GPC6: variants seen among roughly 807,000 people sequenced by gnomAD.
GPC6 encodes the protein glypican 6, also known as glypican-6.
A neutral mutation model predicts 55.2 loss-of-function variants in GPC6; 14 were observed. That is an observed-to-expected ratio of 0.25 (90% CI 0.17 to 0.40). GPC6 has a LOEUF of 0.40. Ranked by LOEUF, GPC6 falls within the 10% of genes least tolerant of loss-of-function variation. The pLI, the probability that GPC6 is intolerant of heterozygous loss-of-function variation, is 1.00. For missense variants in GPC6, 641 were observed against 708.5 expected, an observed-to-expected ratio of 0.90 and a Z score of 1.08; for synonymous variants, 278 against 259.6, an observed-to-expected ratio of 1.07 and a Z score of -0.68.
chr13:93,904,876 C>T (rs556152711), intron 3 of GPC6, among the ~76,000 whole-genome samples: 2 of 152,104 alleles, frequency 1.3e-5, no homozygotes, highest in South Asian at 4.2e-4. Context: ...GCTGCACCCA[C>T]TAACTCGTCA....
chr13:94,210,656 C>A (rs1890049393), intron 4 of GPC6, among the ~76,000 whole-genome samples: 1 of 152,058 alleles, frequency 6.6e-6, no homozygotes, highest in Non-Finnish European at 1.5e-5. Flanking sequence ...TATTTTATAA[C>A]CACCAATAGT....
chr13:93,386,436 A>T (rs1875409759), intron 1 of GPC6, among the ~76,000 whole-genome samples: 1 of 152,158 alleles, frequency 6.6e-6, no homozygotes, highest in Non-Finnish European at 1.5e-5. Context: ...GCCCACGGGA[A>T]CCAATCTTGT....
intron 2 of GPC6, among the ~76,000 whole-genome samples, chr13:93,735,119 C>A (rs1209927817): frequency 2.6e-5 from 4 of 152,094 alleles, no homozygotes; most frequent in African/African-American, 9.7e-5. Context: ...AAGATAATTA[C>A]TGTTGTATGT....
chr13:93,493,438 G>A lies in GPC6; in HGVS notation c.161-51825G>A, dbSNP rs1402645206. 1.1e-4 allele frequency among the ~76,000 whole-genome samples: 11 copies of A among 100,292 alleles called. 2 individuals carry two copies. Among genetic ancestry groups the A allele is most frequent in the Non-Finnish European group, 1.7e-4 (8 of 47,868 alleles). The allele number at this position is 100,292 out of a possible 152,430, so 65.8% of individuals were successfully genotyped here. A position where few individuals can be genotyped will look rare whatever the true frequency, so the allele number is the denominator to read the frequency against. ...TTTTTTCTTTATTAGTCTTGCTAGC[G>A]GTCTATCAATTTTGTTGATCCTTTC... On this transcript the variant is annotated intron_variant, in intron 1 of 8. Transcript: ENST00000377047.
At chr13:94,301,375 C>A (rs1875642147) in intron 5 of GPC6, among the ~76,000 whole-genome samples, 1 of 151,824 alleles carries the variant, frequency 6.6e-6, no homozygotes, top group African/African-American at 2.4e-5. Flanking sequence ...CCAGTCTGGG[C>A]AACGGAGTGA....
At chr13:94,000,638 T>C (rs773078931) in intron 3 of GPC6, among the ~76,000 whole-genome samples, 8 of 152,154 alleles carry the variant, frequency 5.3e-5, no homozygotes, top group Non-Finnish European at 1.2e-4. Context: ...TGATGGAGTA[T>C]TGCCATAAAA....
chr13:93,853,139 G>A (rs1326819234), intron 3 of GPC6, among the ~76,000 whole-genome samples: 1 of 151,484 alleles, frequency 6.6e-6, no homozygotes, highest in African/African-American at 2.4e-5. Flanking sequence ...ACCAAAACAC[G>A]GTCAAGCAAT....
At chr13:94,047,300 C>T (rs557908940) in intron 4 of GPC6, among the ~76,000 whole-genome samples, 65 of 152,054 alleles carry the variant, frequency 4.3e-4, no homozygotes, top group Non-Finnish European at 7.4e-4. Context: ...TGCTCTGAGA[C>T]GGGATGAGTG....
chr13:93,592,673 A>G (rs564645892), intron 2 of GPC6, among the ~76,000 whole-genome samples: 2 of 151,930 alleles, frequency 1.3e-5, no homozygotes, highest in South Asian at 4.1e-4. Context: ...TTTACCTGAG[A>G]TAATTTCAAA....
chr13:93,335,805 ATG>A (rs1233700191), intron 1 of GPC6, among the ~76,000 whole-genome samples: 1 of 152,112 alleles, frequency 6.6e-6, no homozygotes, highest in Non-Finnish European at 1.5e-5. Flanking sequence ...CCTATAGCAT[ATG>A]TGCATTTTTT....
chr13:93,830,452 A>T lies in GPC6; in HGVS notation c.618A>T (p.Lys206Asn). 6.2e-7 allele frequency: 1 copy of T among 1,613,808 alleles called. No individual in the cohort carries two copies. Residue 206 changes from lysine to asparagine, a missense_variant, in exon 3 of 9, where the codon AAA becomes AAT. By Grantham distance (94) the Lys-to-Asn change is moderately conservative. Coordinates refer to ENST00000377047, the MANE Select transcript of GPC6 (RefSeq NM_005708.5). Reference sequence around the variant, plus strand: ...AGCCATTTGGAGACGTGCCCCGGAAACTGAAGATTCAGGTTACCCGCGCCT... The same window carrying T: ...AGCCATTTGGAGACGTGCCCCGGAATCTGAAGATTCAGGTTACCCGCGCCT... ...QLKPFGDVPR[K>N]LKIQVTRAFI...
At chr13:93,932,493 C>A (rs1878227403) in intron 3 of GPC6, among the ~76,000 whole-genome samples, 1 of 152,164 alleles carries the variant, frequency 6.6e-6, no homozygotes, top group Admixed American at 6.5e-5. Context: ...AAGTATTTTT[C>A]TACCTAGAAA....
intron 4 of GPC6, among the ~76,000 whole-genome samples, chr13:94,212,422 A>G (rs1395256496): frequency 1.3e-5 from 2 of 152,206 alleles, no homozygotes; most frequent in African/African-American, 4.8e-5. Context: ...CATCTGTATT[A>G]CATACCACAT....
chr13:94,018,149 ATTTCT>A (rs1228046603), intron 3 of GPC6, among the ~76,000 whole-genome samples: 3 of 152,040 alleles, frequency 2.0e-5, no homozygotes, highest in Non-Finnish European at 4.4e-5. Flanking sequence ...ATTTCATTAA[ATTTCT>A]TTTCTGCATA....
At chr13:93,823,189 G>A (rs1887117128) in intron 2 of GPC6, among the ~76,000 whole-genome samples, 2 of 149,842 alleles carry the variant, frequency 1.3e-5, no homozygotes, top group African/African-American at 5.0e-5. Context: ...AATAATTTAG[G>A]TATGACTTTA....
chr13:93,594,475 T>C (rs1378868664), intron 2 of GPC6, among the ~76,000 whole-genome samples: 1 of 152,106 alleles, frequency 6.6e-6, no homozygotes, highest in African/African-American at 2.4e-5. Context: ...ATTTAACATC[T>C]TTAAAAGTAC....
chr13:93,955,926 T>G (rs1289617702), intron 3 of GPC6, among the ~76,000 whole-genome samples: 1 of 152,172 alleles, frequency 6.6e-6, no homozygotes, highest in Non-Finnish European at 1.5e-5. Flanking sequence ...TTTTCCCTTG[T>G]GTGTGTCTTT....
At chr13:93,263,975 C>T (rs1416429184) in intron 1 of GPC6, among the ~76,000 whole-genome samples, 1 of 152,146 alleles carries the variant, frequency 6.6e-6, no homozygotes, top group African/African-American at 2.4e-5. Flanking sequence ...TGCACACCTC[C>T]AGGGGCCTGT....
intron 2 of GPC6, among the ~76,000 whole-genome samples, chr13:93,559,944 T>G (rs567420433): frequency 6.6e-6 from 1 of 152,260 alleles, no homozygotes; most frequent in South Asian, 2.1e-4. Flanking sequence ...GCCAAGACAT[T>G]AAGATTCCTT....
Sources: allele counts gnomAD v4.1 joint callset (sites outside exome capture counted in the v4.1 genomes callset), GRCh38; gene constraint gnomAD v4.1.1; transcripts MANE v1.5; gene names NCBI Gene and HGNC (gene_info 2026-07-23, HGNC 2026-07-21).